The following ARMC2 variants were observed in gnomAD, a reference collection of about 807,000 sequenced individuals.
The protein encoded by ARMC2 is armadillo repeat-containing protein 2.
In ARMC2, 67 loss-of-function variants were observed where a neutral mutation model predicts 90.3. That is an observed-to-expected ratio of 0.74 (90% CI 0.61 to 0.91). The LOEUF (loss-of-function observed/expected upper bound fraction) is 0.91. ARMC2 is among the 40% of genes least tolerant of loss of function. The pLI, the probability that ARMC2 is intolerant of heterozygous loss-of-function variation, is 0.00. For missense variants in ARMC2, 920 were observed against 1,030.9 expected, an observed-to-expected ratio of 0.89 and a Z score of 1.47; for synonymous variants, 393 against 393.0, an observed-to-expected ratio of 1.00 and a Z score of 0.00.
intron 10 of ARMC2, among the ~76,000 whole-genome samples, chr6:108,916,312 C>G (rs955296797): frequency 1.3e-5 from 2 of 152,140 alleles, no homozygotes; most frequent in Admixed American, 1.3e-4. Context: ...TCCCTGTATC[C>G]AGATAATAGT....
At position 108,931,087 on chromosome 6, in the gene ARMC2, CA is replaced by C. The variant is rs555436371; in HGVS notation, c.1496+2856del. On this transcript the variant is annotated intron_variant, in intron 11 of 17. Coordinates refer to ENST00000392644, the MANE Select transcript of ARMC2 (RefSeq NM_032131.6). ...CCTCCCTCCTCCCACCCTCCACCCTCAAGTAGACCCCAACATCTGTTGTTTT... is the reference window on the plus strand; with the variant it reads ...CCTCCCTCCTCCCACCCTCCACCCTCAGTAGACCCCAACATCTGTTGTTTT... Among the ~76,000 whole-genome samples the C allele has an allele frequency of 4.0e-5, 6 of 151,768 alleles. No homozygotes were observed. In the South Asian group the frequency reaches 1.2e-3, roughly 31 times the overall value.
chr6:108,881,013 G>A (rs754661381), intron 5 of ARMC2, among the ~76,000 whole-genome samples: 16 of 151,774 alleles, frequency 1.1e-4, no homozygotes, highest in Non-Finnish European at 1.6e-4. Flanking sequence ...GTGCCACCAC[G>A]CCAAGCTAAT....
At chr6:108,851,814 A>G (rs1159330618) in intron 1 of ARMC2, among the ~76,000 whole-genome samples, 1 of 152,150 alleles carries the variant, frequency 6.6e-6, no homozygotes, top group African/African-American at 2.4e-5. Context: ...CCACCTTGCA[A>G]AATTGTTGTG....
the ARMC2 span, among the ~76,000 whole-genome samples, chr6:109,047,022 G>A: frequency 4.6e-4 from 13 of 28,198 alleles, no homozygotes; most frequent in African/African-American, 1.9e-3. Flanking sequence ...CCGGCCAGCC[G>A]CCCCATCCGG....
At chr6:108,851,955 C>T (rs1432058277) in intron 1 of ARMC2, among the ~76,000 whole-genome samples, 1 of 152,126 alleles carries the variant, frequency 6.6e-6, no homozygotes, top group Non-Finnish European at 1.5e-5. Context: ...TGTGTTTCCT[C>T]TTCTGTGTTT....
the ARMC2 span, among the ~76,000 whole-genome samples, chr6:108,981,812 A>ACG: frequency 6.6e-6 from 1 of 151,884 alleles, no homozygotes; most frequent in Non-Finnish European, 1.5e-5. Flanking sequence ...GATTACAGGC[A>ACG]TGCACCACCA....
At chr6:108,884,341 A>G (rs2128446992) in intron 5 of ARMC2, among the ~76,000 whole-genome samples, 1 of 152,298 alleles carries the variant, frequency 6.6e-6, no homozygotes, top group South Asian at 2.1e-4. Flanking sequence ...TAGAATCTGC[A>G]TTTTTATAAG....
chr6:109,030,525 T>A, the ARMC2 span, among the ~76,000 whole-genome samples: 1 of 152,178 alleles, frequency 6.6e-6, no homozygotes, highest in Non-Finnish European at 1.5e-5. Context: ...CTAAAGTTAC[T>A]TTATCCATAA....
the ARMC2 span, among the ~76,000 whole-genome samples, chr6:109,035,101 A>G: frequency 6.6e-6 from 1 of 152,168 alleles, no homozygotes; most frequent in Admixed American, 6.5e-5. Context: ...GGATTCATTC[A>G]GCTGCCCCAC....
chr6:109,027,353 T>C, the ARMC2 span, among the ~76,000 whole-genome samples: 2 of 151,730 alleles, frequency 1.3e-5, no homozygotes, highest in Non-Finnish European at 2.9e-5. Flanking sequence ...GGCATGTGCC[T>C]GTAATCCCAG....
intron 5 of ARMC2, among the ~76,000 whole-genome samples, chr6:108,885,480 G>C (rs1777995925): frequency 6.6e-6 from 1 of 152,060 alleles, no homozygotes; most frequent in South Asian, 2.1e-4. Context: ...GCCGAGGTCA[G>C]GAATTCAAGA....
intron 3 of ARMC2, among the ~76,000 whole-genome samples, chr6:108,859,157 C>G (rs765075107): frequency 6.6e-6 from 1 of 152,064 alleles, no homozygotes; most frequent in Non-Finnish European, 1.5e-5. Flanking sequence ...TATTTCAACC[C>G]CAAACTCTTC....
the ARMC2 span, among the ~76,000 whole-genome samples, chr6:108,981,120 C>A: frequency 6.6e-6 from 1 of 152,146 alleles, no homozygotes; most frequent in African/African-American, 2.4e-5. Context: ...TAATGTATTT[C>A]ATCCATAGCA....
At chr6:108,996,390 G>A in the ARMC2 span, among the ~76,000 whole-genome samples, 1 of 152,066 alleles carries the variant, frequency 6.6e-6, no homozygotes. Flanking sequence ...CATAGAGTCA[G>A]TAACCAAATA....
At chr6:108,926,478 G>A (rs905374603) in intron 10 of ARMC2, among the ~76,000 whole-genome samples, 3 of 152,162 alleles carry the variant, frequency 2.0e-5, no homozygotes, top group Non-Finnish European at 4.4e-5. Flanking sequence ...TAATCCCAGC[G>A]CTTTGGGAGG....
the ARMC2 span, chr6:108,986,912 T>A: frequency 6.6e-6 from 1 of 152,484 alleles, no homozygotes. Context: ...ACCCTGAATT[T>A]AAAAAACTAA....
At chr6:108,873,812 C>T (rs1776671837) in intron 4 of ARMC2, among the ~76,000 whole-genome samples, 1 of 152,190 alleles carries the variant, frequency 6.6e-6, no homozygotes, top group South Asian at 2.1e-4. Flanking sequence ...CTCCCAACCC[C>T]TCAAGCTTTC....
intron 12 of ARMC2, among the ~76,000 whole-genome samples, chr6:108,952,549 G>A (rs1392544052): frequency 6.6e-6 from 1 of 152,206 alleles, no homozygotes; most frequent in African/African-American, 2.4e-5. Context: ...GCTCTACAAT[G>A]CACAGGACAC....
chr6:108,993,111 T>A, the ARMC2 span: 3 of 485,338 alleles, frequency 6.2e-6, no homozygotes, highest in Admixed American at 4.0e-5. Flanking sequence ...AACTCATAGT[T>A]GAATTCTCTA....
Sources: gnomAD v4.1 joint callset for allele counts (sites outside exome capture counted in the v4.1 genomes callset) on GRCh38, gnomAD v4.1.1 for gene constraint, MANE v1.5 for transcripts, NCBI Gene and HGNC (gene_info 2026-07-23, HGNC 2026-07-21) for gene names.